Variants in MINDY3 observed in about 807,000 individuals in gnomAD.
MINDY3 encodes the protein ubiquitin carboxyl-terminal hydrolase MINDY-3.
MINDY3 carries 38 observed loss-of-function variants against 69.2 expected under a neutral mutation model. The observed-to-expected ratio is 0.55, with a 90% CI of 0.42 to 0.72. The LOEUF (loss-of-function observed/expected upper bound fraction) is 0.72. MINDY3 is among the 30% of genes least tolerant of loss of function. The pLI, the probability that MINDY3 is intolerant of heterozygous loss-of-function variation, is 0.00. For synonymous variants in MINDY3, 192 were observed against 180.1 expected, an observed-to-expected ratio of 1.07 and a Z score of -0.53; for missense variants, 522 against 519.0, an observed-to-expected ratio of 1.01 and a Z score of -0.06.
chr10:15,829,590 G>C, intron 8 of MINDY3, among the ~76,000 whole-genome samples: 1 of 152,178 alleles, frequency 6.6e-6, no homozygotes, highest in Non-Finnish European at 1.5e-5. Context: ...AACTTTAGTT[G>C]GCAAGCATTA....
chr10:15,821,519 G>A lies in MINDY3; in HGVS notation c.801+137C>T, dbSNP rs539639027. On this transcript the variant is annotated intron_variant, in intron 9 of 14. Coordinates refer to ENST00000277632, the MANE Select transcript of MINDY3 (RefSeq NM_024948.4). ...CTTAATAACCCTGCTGGTTTAGGGTGGGGGATAGGAAGGAAGAAGAGAGCG... is the reference window on the plus strand; with the variant it reads ...CTTAATAACCCTGCTGGTTTAGGGTAGGGGATAGGAAGGAAGAAGAGAGCG... 6.9e-6 allele frequency: 4 copies of A among 575,576 alleles called. No individual in the cohort carries two copies. In the South Asian group the frequency reaches 8.9e-5, roughly 13 times the overall value. 35.7% of individuals were successfully genotyped at this position (575,576 alleles called of 1,614,324 possible). A position where few individuals can be genotyped will look rare whatever the true frequency, so the allele number is the denominator to read the frequency against.
chr10:15,818,221 T>C (rs1204755215), intron 9 of MINDY3, among the ~76,000 whole-genome samples: 3 of 152,116 alleles, frequency 2.0e-5, no homozygotes, highest in East Asian at 1.9e-4. Context: ...TCTACTCTGA[T>C]GGATTTCCAT....
Position 15,816,905 on chromosome 10 carries a change from T to A in MINDY3, c.812A>T (p.Tyr271Phe). The change falls in exon 10 of 15, where the codon TAC becomes TTC. Residue 271 changes from tyrosine (Y) to phenylalanine (F), a missense_variant. Transcript: ENST00000277632. ...EALRYCKVGS[Y>F]LKSPKFPIWI... The stretch of plus-strand genomic sequence containing the variant: ...AATAGGGAATTTTGGAGATTTCAAG[T>A]AAGAACCAACCTAGAACAAATGTAG... The A allele has an allele frequency of 6.2e-7, 1 of 1,612,014 alleles. No individual in the cohort carries two copies. The highest frequency in any genetic ancestry group is 1.1e-5 in the South Asian group (1 of 90,940).
chr10:15,792,741 T>C (rs1837514198), intron 11 of MINDY3, among the ~76,000 whole-genome samples: 1 of 152,066 alleles, frequency 6.6e-6, no homozygotes, highest in African/African-American at 2.4e-5. Flanking sequence ...TGTTGCTTCC[T>C]GACATATAAT....
At chr10:15,783,705 C>T (rs1836732106) in intron 13 of MINDY3, among the ~76,000 whole-genome samples, 1 of 152,066 alleles carries the variant, frequency 6.6e-6, no homozygotes, top group South Asian at 2.1e-4. Context: ...CAACTAAAGC[C>T]TAAAATTGTT....
intron 10 of MINDY3, among the ~76,000 whole-genome samples, chr10:15,798,312 G>A (rs1353774155): frequency 6.6e-6 from 1 of 152,016 alleles, no homozygotes; most frequent in African/African-American, 2.4e-5. Context: ...GGAAATTATC[G>A]CTGTTTACAT....
intron 8 of MINDY3, among the ~76,000 whole-genome samples, chr10:15,823,698 TC>T (rs1198950594): frequency 6.6e-6 from 1 of 152,126 alleles, no homozygotes; most frequent in African/African-American, 2.4e-5. Context: ...AATGCAATTT[TC>T]TTAAGCATAG....
intron 8 of MINDY3, among the ~76,000 whole-genome samples, chr10:15,824,777 T>C (rs1839981510): frequency 1.3e-5 from 2 of 152,240 alleles, no homozygotes; most frequent in South Asian, 2.1e-4. Flanking sequence ...TGTCTAATAA[T>C]AATATCATGT....
At chr10:15,847,988 T>C in intron 1 of MINDY3, 45 bp from the exon 2 acceptor site, 1 of 1,463,118 alleles carries the variant, frequency 6.8e-7, no homozygotes, top group Non-Finnish European at 9.6e-7. Context: ...ATAATTCAAG[T>C]AGCAGCTAAA....
intron 8 of MINDY3, among the ~76,000 whole-genome samples, chr10:15,825,466 T>G (rs116608402): frequency 0.017 from 2,606 of 152,278 alleles, 54 homozygotes; most frequent in African/African-American, 0.057. Context: ...CGCTTTGGCC[T>G]CCCAAACTGC....
chr10:15,857,915 G>C, intron 1 of MINDY3: 1 of 980,736 alleles, frequency 1.0e-6, no homozygotes, highest in South Asian at 4.7e-5. Flanking sequence ...TCTGTATCTT[G>C]CTTCCAGAAA....
intron 4 of MINDY3, 67 bp downstream of exon 4, chr10:15,841,359 A>C: frequency 7.8e-7 from 1 of 1,289,422 alleles, no homozygotes; most frequent in South Asian, 1.4e-5. Context: ...TTTCTTCAAA[A>C]TATTCAATAG....
intron 10 of MINDY3, among the ~76,000 whole-genome samples, chr10:15,810,986 T>C (rs1366033399): frequency 6.6e-6 from 1 of 152,022 alleles, no homozygotes; most frequent in Non-Finnish European, 1.5e-5. Context: ...AAAATTACAA[T>C]TACCACTTAA....
intron 8 of MINDY3, among the ~76,000 whole-genome samples, chr10:15,828,859 G>T (rs1037567045): frequency 1.3e-5 from 2 of 152,172 alleles, no homozygotes; most frequent in Non-Finnish European, 2.9e-5. Flanking sequence ...TAGGAGGCAG[G>T]CAATATAGAA....
chr10:15,817,145 T>C, intron 9 of MINDY3: 1 of 440,226 alleles, frequency 2.3e-6, no homozygotes, highest in Admixed American at 4.3e-5. Flanking sequence ...ACAACAACAA[T>C]ATAGATTTAA....
intron 8 of MINDY3, among the ~76,000 whole-genome samples, chr10:15,822,160 C>T (rs1839810853): frequency 6.6e-6 from 1 of 152,184 alleles, no homozygotes; most frequent in Non-Finnish European, 1.5e-5. Context: ...GTAGCAGTGA[C>T]TCCACTTGCC....
At chr10:15,780,969 G>A (rs959277849) in intron 14 of MINDY3, among the ~76,000 whole-genome samples, 9 of 152,098 alleles carry the variant, frequency 5.9e-5, no homozygotes, top group Admixed American at 2.0e-4. Flanking sequence ...TGCCTCATCT[G>A]TAAAATATGG....
chr10:15,827,613 T>C (rs1840181517), intron 8 of MINDY3, among the ~76,000 whole-genome samples: 1 of 152,036 alleles, frequency 6.6e-6, no homozygotes, highest in East Asian at 1.9e-4. Flanking sequence ...TTAACAAAGT[T>C]AACAAGAAAG....
chr10:15,841,653 T>C (rs1340883698), intron 3 of MINDY3, 54 bp from the exon 4 acceptor site: 1 of 1,224,676 alleles, frequency 8.2e-7, no homozygotes, highest in East Asian at 2.4e-5. Flanking sequence ...AAAAAAAAAT[T>C]CTGTCATGAA....
Sources: gnomAD v4.1 joint callset for allele counts (sites outside exome capture counted in the v4.1 genomes callset) on GRCh38, gnomAD v4.1.1 for gene constraint, MANE v1.5 for transcripts, NCBI Gene and HGNC (gene_info 2026-07-23, HGNC 2026-07-21) for gene names.